The following RBMS3 variants were observed in gnomAD, a reference collection of about 807,000 sequenced individuals.
RBMS3 encodes the protein RNA-binding motif, single-stranded-interacting protein 3.
RBMS3 carries 27 observed loss-of-function variants against 66.8 expected under a neutral mutation model. The observed-to-expected ratio is 0.40, with a 90% confidence interval of 0.30 to 0.56. The LOEUF (loss-of-function observed/expected upper bound fraction) is 0.56. Among genes scored for constraint, RBMS3 ranks in the 20% least tolerant of loss-of-function variants. RBMS3 has a pLI of 0.40. For missense variants in RBMS3, 513 were observed against 549.5 expected (o/e 0.93, Z 0.66); for synonymous variants, 188 against 183.0 (o/e 1.03, Z -0.22).
rs146827634 is a variant in RBMS3 at position 29,449,762 on chromosome 3, G to A, written c.248+14847G>A. ...TAGTGTCATGGTTGAAAGTTAAATC[G>A]TATCCCAACATACTTCAAAAATAGG... On this transcript the variant is annotated intron_variant, in intron 2 of 14. Coordinates refer to ENST00000383767, the MANE Select transcript of RBMS3 (RefSeq NM_001003793.3). 6.2e-3 allele frequency among the ~76,000 whole-genome samples: 937 copies of A among 152,256 alleles called. 6 individuals carry two copies. The highest frequency in any genetic ancestry group is 0.011 in the Non-Finnish European group (720 of 68,024).
intron 2 of RBMS3, among the ~76,000 whole-genome samples, chr3:29,463,234 T>A (rs187438797): frequency 3.3e-5 from 5 of 152,300 alleles, no homozygotes; most frequent in African/African-American, 4.8e-5. Flanking sequence ...GCATTGTTGG[T>A]GCTCAGATGA....
rs551803278 is a variant in RBMS3 at position 29,562,037 on chromosome 3, C to G, written c.308-25077C>G. ...AGTATTAACTGATAATAAAGAGAAG[C>G]CTTTGTAAAGTTAGTGTTCTTTTTA... On this transcript the variant is annotated intron_variant, in intron 3 of 14. Transcript: ENST00000383767. 5.9e-5 allele frequency among the ~76,000 whole-genome samples: 9 copies of G among 151,896 alleles called. 1 individual carries two copies. The South Asian group carries it at 1.7e-3, about 28-fold the overall frequency.
chr3:29,932,484 C>T (rs988816687), intron 10 of RBMS3, among the ~76,000 whole-genome samples: 8 of 152,130 alleles, frequency 5.3e-5, no homozygotes, highest in Non-Finnish European at 1.0e-4. Context: ...GGCCTAATCC[C>T]AGAGAGTCTA....
chr3:30,008,129 C>CTATT lies in RBMS3; in HGVS notation c.*4269_*4272dup, dbSNP rs1392781157. ...AATAATTGGGATATTTGCTAAATACCTATTTTTTTTTACAGTGGCCTAAAA... is the reference window on the plus strand; with the variant it reads ...AATAATTGGGATATTTGCTAAATACCTATTTATTTTTTTTTACAGTGGCCTAAAA... On this transcript the variant is annotated 3_prime_UTR_variant, in exon 15 of 15. Transcript: ENST00000383767. The CTATT allele has an allele frequency of 6.7e-6, 1 of 148,582 alleles. No individual in the cohort carries two copies. The highest frequency in any genetic ancestry group is 1.5e-5 in the Non-Finnish European group (1 of 67,794). The allele number at this position is 148,582 out of a possible 1,614,324, so 9.2% of individuals were successfully genotyped here.
At chr3:29,538,276 A>G (rs768649406) in intron 3 of RBMS3, among the ~76,000 whole-genome samples, 1 of 152,236 alleles carries the variant, frequency 6.6e-6, no homozygotes, top group Non-Finnish European at 1.5e-5. Flanking sequence ...TGTACAATTT[A>G]TGCGCCCTGG....
chr3:29,434,798 G>GCAGCAGCAACAA lies in RBMS3; in HGVS notation c.151_162dup (p.Asn51_Ser54dup). ...GCTCCTCCCAGCCCCAGCACAAACA[G>GCAGCAGCAACAA]CAGCAGCAACAACAGCAGCAACAAC... On this transcript the variant is annotated inframe_insertion, in exon 2 of 15. Transcript: ENST00000383767. The GCAGCAGCAACAA allele has an allele frequency of 1.2e-6, 2 of 1,613,984 alleles. No individual in the cohort carries two copies. Among genetic ancestry groups the GCAGCAGCAACAA allele is most frequent in the South Asian group, 2.2e-5 (2 of 91,074 alleles).
chr3:29,747,393 GATAGA>G (rs2054959352), intron 5 of RBMS3, among the ~76,000 whole-genome samples: 1 of 8,744 alleles, frequency 1.1e-4, no homozygotes, highest in African/African-American at 3.3e-4. Flanking sequence ...TAGGTAGGTA[GATAGA>G]TAGATAGATA....
intron 4 of RBMS3, among the ~76,000 whole-genome samples, chr3:29,591,327 C>A (rs1344596005): frequency 6.6e-6 from 1 of 152,104 alleles, no homozygotes; most frequent in African/African-American, 2.4e-5. Context: ...CAAGTCATAC[C>A]TTTAAAAGAG....
At chr3:29,928,657 C>A (rs769385755) in intron 10 of RBMS3, among the ~76,000 whole-genome samples, 6 of 152,142 alleles carry the variant, frequency 3.9e-5, no homozygotes, top group Non-Finnish European at 7.4e-5. Flanking sequence ...TAAACTACAG[C>A]AGTTTACATG....
chr3:29,966,948 AC>A lies in RBMS3; in HGVS notation c.1099-21193del, dbSNP rs544397397. On this transcript the variant is annotated intron_variant, in intron 12 of 14. Transcript: ENST00000383767. ...TGCTTTTTCTGCATCTATTCAGATG[AC>A]CACGATTTTTGTTTTTAGTTCTGTT... Among the ~76,000 whole-genome samples, 4 of 152,272 alleles carry A rather than the reference AC, an allele frequency of 2.6e-5. No homozygotes were observed. The South Asian group carries it at 8.3e-4, about 32-fold the overall frequency.
intron 4 of RBMS3, among the ~76,000 whole-genome samples, chr3:29,680,087 C>A (rs908336485): frequency 1.3e-5 from 2 of 152,106 alleles, no homozygotes; most frequent in African/African-American, 4.8e-5. Context: ...AAGGCTCAAG[C>A]CTTGAATACT....
intron 2 of RBMS3, among the ~76,000 whole-genome samples, chr3:29,446,630 T>C (rs2041841416): frequency 6.6e-6 from 1 of 152,126 alleles, no homozygotes; most frequent in African/African-American, 2.4e-5. Flanking sequence ...TTATAGTGCA[T>C]AAACATGTCA....
At chr3:29,299,703 A>C (rs1037129827) in intron 1 of RBMS3, among the ~76,000 whole-genome samples, 4 of 151,972 alleles carry the variant, frequency 2.6e-5, no homozygotes, top group African/African-American at 9.7e-5. Context: ...AGATAATTTA[A>C]ATTATATGGG....
At chr3:29,531,409 A>G (rs2045347125) in intron 3 of RBMS3, among the ~76,000 whole-genome samples, 2 of 152,210 alleles carry the variant, frequency 1.3e-5, no homozygotes, top group Non-Finnish European at 2.9e-5. Flanking sequence ...TGTTTATTTC[A>G]ACTAATGACT....
At chr3:29,539,069 C>T (rs1331042083) in intron 3 of RBMS3, among the ~76,000 whole-genome samples, 1 of 152,108 alleles carries the variant, frequency 6.6e-6, no homozygotes, top group Non-Finnish European at 1.5e-5. Context: ...AATATAATCA[C>T]AGAAATTATA....
intron 1 of RBMS3, among the ~76,000 whole-genome samples, chr3:29,404,363 A>G (rs2039928681): frequency 6.6e-6 from 1 of 152,080 alleles, no homozygotes; most frequent in South Asian, 2.1e-4. Flanking sequence ...AACATATTAC[A>G]TGATTGCTGA....
At chr3:29,999,328 G>A (rs1437628031) in intron 14 of RBMS3, among the ~76,000 whole-genome samples, 1 of 152,206 alleles carries the variant, frequency 6.6e-6, no homozygotes, top group African/African-American at 2.4e-5. Context: ...CTGTAAACTA[G>A]TTCAAACATT....
intron 1 of RBMS3, among the ~76,000 whole-genome samples, chr3:29,334,959 T>A (rs570738668): frequency 6.6e-6 from 1 of 152,346 alleles, no homozygotes; most frequent in African/African-American, 2.4e-5. Context: ...AGGTTGGAAT[T>A]GTTTTACAAT....
At chr3:29,575,530 G>C (rs2047091021) in intron 3 of RBMS3, among the ~76,000 whole-genome samples, 2 of 152,076 alleles carry the variant, frequency 1.3e-5, no homozygotes, top group South Asian at 4.1e-4. Flanking sequence ...GTGCTTGAAT[G>C]TTGGTACCCT....
Sources: allele counts gnomAD v4.1 joint callset (sites outside exome capture counted in the v4.1 genomes callset), GRCh38; gene constraint gnomAD v4.1.1; transcripts MANE v1.5; gene names NCBI Gene and HGNC (gene_info 2026-07-23, HGNC 2026-07-21).